The following RYK variants were observed in gnomAD, a reference collection of about 807,000 sequenced individuals.
The protein encoded by RYK is receptor like tyrosine kinase.
A neutral mutation model predicts 70.2 loss-of-function variants in RYK; 21 were observed. The observed-to-expected ratio is 0.30, with a 90% CI of 0.21 to 0.43. The LOEUF (loss-of-function observed/expected upper bound fraction) is 0.43. RYK is among the 20% of genes least tolerant of loss of function. RYK has a pLI of 1.00. For synonymous variants in RYK, 267 were observed against 278.0 expected, an observed-to-expected ratio of 0.96 and a Z score of 0.39; for missense variants, 604 against 753.3, an observed-to-expected ratio of 0.80 and a Z score of 2.32.
chr3:134,163,686 T>C (rs1299934724), intron 13 of RYK, among the ~76,000 whole-genome samples: 1 of 152,224 alleles, frequency 6.6e-6, no homozygotes, highest in African/African-American at 2.4e-5. Flanking sequence ...GAACTTACAA[T>C]GCAAGGCTCA....
intron 13 of RYK, among the ~76,000 whole-genome samples, chr3:134,175,039 T>G (rs1273397970): frequency 6.6e-6 from 1 of 152,194 alleles, no homozygotes; most frequent in Non-Finnish European, 1.5e-5. Context: ...CTCCTAGTGT[T>G]AATAGTGCTT....
At chr3:134,175,530 A>G (rs947931771) in intron 13 of RYK, 79 bp downstream of exon 13, 7 of 1,517,032 alleles carry the variant, frequency 4.6e-6, no homozygotes, top group South Asian at 1.2e-5. Flanking sequence ...TAAAAACCCA[A>G]AAGATAAAAA....
At chr3:134,226,317 T>A (rs1231154201) in intron 1 of RYK, among the ~76,000 whole-genome samples, 3 of 152,064 alleles carry the variant, frequency 2.0e-5, no homozygotes, top group Non-Finnish European at 4.4e-5. Context: ...TTTAAAAACA[T>A]AATTTACCAA....
chr3:134,188,182 T>TTTTTA (rs2013533315), intron 9 of RYK, among the ~76,000 whole-genome samples: 1 of 142,964 alleles, frequency 7.0e-6, no homozygotes, highest in East Asian at 2.2e-4. Context: ...TTTTTTTTTT[T>TTTTTA]GAGACAGAGT....
chr3:134,163,954 C>T (rs941006596), intron 13 of RYK, among the ~76,000 whole-genome samples: 1 of 152,212 alleles, frequency 6.6e-6, no homozygotes, highest in Non-Finnish European at 1.5e-5. Flanking sequence ...TCTGTCCTAT[C>T]TTAATAATTC....
chr3:134,239,841 A>T (rs2015278144), intron 1 of RYK, among the ~76,000 whole-genome samples: 1 of 152,234 alleles, frequency 6.6e-6, no homozygotes, highest in African/African-American at 2.4e-5. Context: ...GGCACTGGGG[A>T]TCAACCCTAG....
intron 1 of RYK, among the ~76,000 whole-genome samples, chr3:134,237,377 C>A (rs533642434): frequency 1.3e-5 from 2 of 152,218 alleles, no homozygotes; most frequent in East Asian, 3.9e-4. Flanking sequence ...TTCCTATTAC[C>A]TTGCACATCT....
chr3:134,228,863 GTTA>G (rs2014979404), intron 1 of RYK, among the ~76,000 whole-genome samples: 1 of 152,022 alleles, frequency 6.6e-6, no homozygotes, highest in Non-Finnish European at 1.5e-5. Context: ...GCTTTTCAAG[GTTA>G]TTATCACAAA....
intron 7 of RYK, among the ~76,000 whole-genome samples, chr3:134,194,372 G>T (rs1398047909): frequency 1.3e-5 from 2 of 152,026 alleles, no homozygotes; most frequent in Admixed American, 6.6e-5. Context: ...TGATCAAATG[G>T]TCCTATCTTT....
chr3:134,227,473 G>C (rs2014943940), intron 1 of RYK, among the ~76,000 whole-genome samples: 1 of 151,400 alleles, frequency 6.6e-6, no homozygotes, highest in Non-Finnish European at 1.5e-5. Flanking sequence ...CCTTGGAAGA[G>C]GAACAAGGCA....
At chr3:134,202,399 T>C (rs2014053964) in intron 6 of RYK, 2 of 221,376 alleles carry the variant, frequency 9.0e-6, no homozygotes, top group South Asian at 7.5e-5. Flanking sequence ...GGGAGAATGA[T>C]GAAGGCAAGA....
At chr3:134,202,665 T>C in intron 6 of RYK, 65 bp downstream of exon 6, 2 of 1,445,956 alleles carry the variant, frequency 1.4e-6, no homozygotes, top group African/African-American at 1.4e-5. Flanking sequence ...TCGATGTGTA[T>C]GGGCTCCCAC....
chr3:134,205,733 C>A (rs1394527078), intron 5 of RYK, among the ~76,000 whole-genome samples: 10 of 152,314 alleles, frequency 6.6e-5, no homozygotes, highest in Admixed American at 2.6e-4. Flanking sequence ...GGAAGCTATC[C>A]TTGGGTTCCC....
intron 13 of RYK, among the ~76,000 whole-genome samples, chr3:134,166,883 T>C (rs1220861805): frequency 6.6e-6 from 1 of 152,162 alleles, no homozygotes; most frequent in Admixed American, 6.5e-5. Context: ...TCCAAGAAAA[T>C]ATTAGGATGA....
chr3:134,226,398 A>G (rs891492046), intron 1 of RYK, among the ~76,000 whole-genome samples: 3 of 152,182 alleles, frequency 2.0e-5, no homozygotes, highest in African/African-American at 7.2e-5. Flanking sequence ...TGGCTTCATT[A>G]GTGAATTCTA....
intron 2 of RYK, among the ~76,000 whole-genome samples, chr3:134,213,994 A>G (rs2014480056): frequency 6.6e-6 from 1 of 152,024 alleles, no homozygotes; most frequent in Non-Finnish European, 1.5e-5. Context: ...TTTAGTAGAG[A>G]CGAGATTTCA....
intron 1 of RYK, among the ~76,000 whole-genome samples, chr3:134,225,474 T>C (rs995191548): frequency 6.7e-6 from 1 of 149,258 alleles, no homozygotes; most frequent in Non-Finnish European, 1.5e-5. Context: ...GCTTCAAATA[T>C]AGAAAGCAAA....
At chr3:134,161,118 C>T (rs1371994994) in intron 13 of RYK, among the ~76,000 whole-genome samples, 2 of 152,074 alleles carry the variant, frequency 1.3e-5, no homozygotes, top group Admixed American at 6.5e-5. Flanking sequence ...TTAAAATTTC[C>T]TTGACAGACT....
intron 13 of RYK, among the ~76,000 whole-genome samples, chr3:134,172,344 TATTATGTTTTAAA>T (rs2012942078): frequency 6.6e-6 from 1 of 152,154 alleles, no homozygotes; most frequent in Non-Finnish European, 1.5e-5. Flanking sequence ...ATTCAACTGA[TATTATGTTTTAAA>T]ATTATGTTCT....
Sources: allele counts gnomAD v4.1 joint callset (sites outside exome capture counted in the v4.1 genomes callset), GRCh38; gene constraint gnomAD v4.1.1; transcripts MANE v1.5; gene names NCBI Gene and HGNC (gene_info 2026-07-23, HGNC 2026-07-21).